Variants in FAM133B observed in about 807,000 individuals in gnomAD.
FAM133B encodes the protein family with sequence similarity 133 member B.
FAM133B carries 25 observed loss-of-function variants against 46.4 expected under a neutral mutation model. That is an observed-to-expected ratio of 0.54 (90% CI 0.39 to 0.75). The LOEUF (loss-of-function observed/expected upper bound fraction) is 0.75, where lower values mean the gene tolerates loss of function less well. Ranked by LOEUF, FAM133B falls within the 30% of genes least tolerant of loss-of-function variation. FAM133B has a pLI of 0.00. For synonymous variants in FAM133B, 75 were observed against 86.0 expected (o/e 0.87, Z 0.71); for missense variants, 205 against 277.6 (o/e 0.74, Z 1.86).
At chr7:92,589,909 C>T (rs2116434762) in intron 1 of FAM133B, 1 of 350,370 alleles carries the variant, frequency 2.9e-6, no homozygotes, top group Middle Eastern at 8.3e-4. Flanking sequence ...GTCCAAGGGC[C>T]TAAGTCTTCG....
chr7:92,584,184 C>G (rs958172349), intron 1 of FAM133B, among the ~76,000 whole-genome samples: 5 of 151,644 alleles, frequency 3.3e-5, no homozygotes. Context: ...GTAGCTAGGA[C>G]AACAGGTGTG....
At chr7:92,585,083 A>G (rs915177372) in intron 1 of FAM133B, among the ~76,000 whole-genome samples, 2 of 152,208 alleles carry the variant, frequency 1.3e-5, no homozygotes, top group African/African-American at 2.4e-5. Flanking sequence ...CAAAGAGTAT[A>G]TCCTCTTAAC....
At chr7:92,572,087 A>G (rs1794549226) in intron 8 of FAM133B, among the ~76,000 whole-genome samples, 1 of 152,210 alleles carries the variant, frequency 6.6e-6, no homozygotes, top group African/African-American at 2.4e-5. Context: ...AAGCCTTTAT[A>G]TAATTATAAT....
At chr7:92,570,877 A>C (rs1794507649) in intron 8 of FAM133B, among the ~76,000 whole-genome samples, 1 of 152,162 alleles carries the variant, frequency 6.6e-6, no homozygotes, top group Non-Finnish European at 1.5e-5. Flanking sequence ...CACTATCAGA[A>C]ATTAAACACC....
intron 8 of FAM133B, among the ~76,000 whole-genome samples, chr7:92,572,225 A>G (rs1794553217): frequency 6.6e-6 from 1 of 152,252 alleles, no homozygotes; most frequent in African/African-American, 2.4e-5. Flanking sequence ...TAAGCAGGTT[A>G]AGAAGCTCAA....
At chr7:92,579,267 C>T in intron 3 of FAM133B, 50 bp downstream of exon 3, 1 of 1,512,360 alleles carries the variant, frequency 6.6e-7, no homozygotes, top group Non-Finnish European at 9.0e-7. Flanking sequence ...GTATGAGCCA[C>T]CATAACTGGC....
intron 1 of FAM133B, among the ~76,000 whole-genome samples, chr7:92,586,272 CA>C (rs1795035222): frequency 6.6e-6 from 1 of 151,380 alleles, no homozygotes; most frequent in Non-Finnish European, 1.5e-5. Context: ...ATTATAATAG[CA>C]ATATTTTTTA....
rs566265230 is a variant in FAM133B at position 92,584,973 on chromosome 7, T to A, written c.25-3370A>T. Among the ~76,000 whole-genome samples, 130 of 149,314 alleles carry A rather than the reference T, an allele frequency of 8.7e-4. 1 individual carries two copies. Among genetic ancestry groups the A allele is most frequent in the Non-Finnish European group, 4.3e-4 (29 of 67,320 alleles). On this transcript the variant is annotated intron_variant, in intron 1 of 10. Transcript: ENST00000445716. ...TTGAGCTCAGGAGAGACCAATCTTG[T>A]CTCTACTAAACAAAACAAAACAAAA...
Position 92,562,204 on chromosome 7 carries a change from A to C in FAM133B, c.*78T>G. 1 of 1,434,536 alleles carries C rather than the reference A, an allele frequency of 7.0e-7. No individual in the cohort carries two copies. The highest frequency in any genetic ancestry group is 9.2e-7 in the Non-Finnish European group (1 of 1,082,802). 88.9% of individuals were successfully genotyped at this position (1,434,536 alleles called of 1,614,324 possible). On this transcript the variant is annotated 3_prime_UTR_variant, in exon 11 of 11. Coordinates refer to ENST00000445716, the MANE Select transcript of FAM133B (RefSeq NM_152789.4). ...CAAGAAAATTCATGCATTTTAGTAA[A>C]TATGTTGTAGTTTTCACAGTTGAAA...
chr7:92,581,807 TG>T lies in FAM133B; in HGVS notation c.25-205del, dbSNP rs1794884067. 10 of 390,186 alleles carry T rather than the reference TG, an allele frequency of 2.6e-5. No homozygotes were observed. The African/African-American group carries it at 2.9e-4, about 11-fold the overall frequency. The allele number at this position is 390,186 out of a possible 1,614,324, so 24.2% of individuals were successfully genotyped here. ...TTTGGGAGAAAATTGTGTGTGTGTG[TG>T]TGTGTGTGTGTGTGTGTGTGTGTGT... On this transcript the variant is annotated intron_variant, in intron 1 of 10. Transcript: ENST00000445716.
intron 10 of FAM133B, among the ~76,000 whole-genome samples, chr7:92,564,593 A>C (rs1032057030): frequency 1.3e-5 from 2 of 152,218 alleles, no homozygotes; most frequent in African/African-American, 4.8e-5. Context: ...GTTATTTCTG[A>C]ATCATTACTA....
At position 92,563,603 on chromosome 7, in the gene FAM133B, T is replaced by G. The variant is rs144937039; in HGVS notation, c.658-1235A>C. Among the ~76,000 whole-genome samples the G allele has an allele frequency of 4.6e-5, 7 of 152,306 alleles. No homozygotes were observed. In the East Asian group the frequency reaches 1.4e-3, roughly 29 times the overall value. On this transcript the variant is annotated intron_variant, in intron 10 of 10. Transcript: ENST00000445716. The stretch of plus-strand genomic sequence containing the variant: ...CCACTTAAAACCAATGATGCCCAAA[T>G]CTTTATATTCAGTCCTACTCTTTGA...
chr7:92,576,311 T>C (rs1794693087), intron 7 of FAM133B, among the ~76,000 whole-genome samples: 1 of 152,210 alleles, frequency 6.6e-6, no homozygotes, highest in Non-Finnish European at 1.5e-5. Context: ...CTTAGAATTG[T>C]GCCTAACAGA....
intron 8 of FAM133B, 87 bp downstream of exon 8, chr7:92,575,684 C>G (rs1223118330): frequency 4.8e-6 from 3 of 624,394 alleles, no homozygotes; most frequent in Non-Finnish European, 7.9e-6. Flanking sequence ...AAATATATCT[C>G]TTAAAAAGAG....
At chr7:92,578,796 A>G (rs1369834537) in intron 3 of FAM133B, among the ~76,000 whole-genome samples, 1 of 152,268 alleles carries the variant, frequency 6.6e-6, no homozygotes. Flanking sequence ...CTGTAATCAC[A>G]GTACTTTGGG....
At chr7:92,562,708 G>C (rs965938949) in intron 10 of FAM133B, among the ~76,000 whole-genome samples, 1 of 152,114 alleles carries the variant, frequency 6.6e-6, no homozygotes, top group African/African-American at 2.4e-5. Flanking sequence ...TGCAGTTACT[G>C]GAATGGAGTA....
chr7:92,577,173 C>T lies in FAM133B; in HGVS notation c.395G>A (p.Arg132Lys). ...ATGTGAACGGTTCTTCTTTTTCTTTCTCCGTTTTCCTTGTTTCTTATCCTA... is the reference window on the plus strand; with the variant it reads ...ATGTGAACGGTTCTTCTTTTTCTTTTTCCGTTTTCCTTGTTTCTTATCCTA... ...EDEDKKQGKR[R>K]KKKKNRSHKS... Residue 132 changes from arginine to lysine, a missense_variant, in exon 7 of 11, where the codon AGA becomes AAA. Arg to Lys is a conservative substitution (Grantham distance 26). Coordinates refer to ENST00000445716, the MANE Select transcript of FAM133B (RefSeq NM_152789.4). 6.7e-7 allele frequency: 1 copy of T among 1,495,688 alleles called. No individual in the cohort carries two copies. Among genetic ancestry groups the T allele is most frequent in the Non-Finnish European group, 8.9e-7 (1 of 1,120,022 alleles). The allele number at this position is 1,495,688 out of a possible 1,614,324, so 92.7% of individuals were successfully genotyped here. A position where few individuals can be genotyped will look rare whatever the true frequency, so the allele number is the denominator to read the frequency against.
chr7:92,565,588 C>T (rs546754119), intron 10 of FAM133B: 6 of 162,542 alleles, frequency 3.7e-5, no homozygotes, highest in East Asian at 1.7e-4. Context: ...CTCAGCCTCC[C>T]GAGTAGCTGG....
intron 1 of FAM133B, among the ~76,000 whole-genome samples, chr7:92,585,776 G>A (rs1240910750): frequency 6.6e-6 from 1 of 151,826 alleles, no homozygotes; most frequent in East Asian, 1.9e-4. Flanking sequence ...TCACACACTG[G>A]AGAAAAAAAT....
Sources: allele counts gnomAD v4.1 joint callset (sites outside exome capture counted in the v4.1 genomes callset), GRCh38; gene constraint gnomAD v4.1.1; transcripts MANE v1.5; gene names NCBI Gene and HGNC (gene_info 2026-07-23, HGNC 2026-07-21).